Variants in TMTC2 observed in about 807,000 individuals in gnomAD.
TMTC2 encodes the protein transmembrane O-mannosyltransferase targeting cadherins 2, also known as protein O-mannosyl-transferase TMTC2.
A neutral mutation model predicts 82.4 loss-of-function variants in TMTC2; 43 were observed. The observed-to-expected ratio is 0.52, with a 90% CI of 0.41 to 0.67. The LOEUF is 0.67. TMTC2 is among the 30% of genes least tolerant of loss of function. The pLI, the probability that TMTC2 is intolerant of heterozygous loss-of-function variation, is 0.00. For synonymous variants in TMTC2, 408 were observed against 381.9 expected (o/e 1.07, Z -0.80); for missense variants, 919 against 1,012.4 (o/e 0.91, Z 1.25).
chr12:83,114,719 A>C (rs1884699697), intron 11 of TMTC2, among the ~76,000 whole-genome samples: 1 of 152,184 alleles, frequency 6.6e-6, no homozygotes, highest in Admixed American at 6.5e-5. Flanking sequence ...ACATAGGTTA[A>C]AAACATTCTT....
intron 11 of TMTC2, among the ~76,000 whole-genome samples, chr12:83,073,596 C>A (rs1883188665): frequency 2.0e-5 from 3 of 152,124 alleles, no homozygotes; most frequent in Admixed American, 1.3e-4. Flanking sequence ...GAATTGTCTT[C>A]TTCCTCAGGA....
chr12:83,097,890 A>G (rs965997443), intron 11 of TMTC2, among the ~76,000 whole-genome samples: 1 of 152,220 alleles, frequency 6.6e-6, no homozygotes, highest in Non-Finnish European at 1.5e-5. Context: ...TGGAAGTAGC[A>G]TATGAGAGAG....
intron 1 of TMTC2, among the ~76,000 whole-genome samples, chr12:82,819,497 CT>C (rs766912583): frequency 0.096 from 11,341 of 117,910 alleles, 433 homozygotes; most frequent in African/African-American, 0.25. Context: ...TTCTCTCTTT[CT>C]TTTTTTTTTT....
At chr12:82,869,253 A>G (rs1159915031) in intron 2 of TMTC2, among the ~76,000 whole-genome samples, 2 of 152,146 alleles carry the variant, frequency 1.3e-5, no homozygotes, top group African/African-American at 4.8e-5. Flanking sequence ...TAGAGATGAC[A>G]GCACAAAACT....
chr12:83,032,725 A>AT (rs1023976262), intron 9 of TMTC2, among the ~76,000 whole-genome samples: 34 of 149,888 alleles, frequency 2.3e-4, no homozygotes, highest in East Asian at 6.0e-4. Flanking sequence ...TTTATTTTTT[A>AT]TTTTTTTTTA....
chr12:83,013,894 G>A (rs1340151634), intron 8 of TMTC2, among the ~76,000 whole-genome samples: 1 of 152,158 alleles, frequency 6.6e-6, no homozygotes, highest in Non-Finnish European at 1.5e-5. Context: ...CTAGGGCGAG[G>A]TGGGCGATGT....
At chr12:82,942,442 T>G (rs183942281) in intron 4 of TMTC2, among the ~76,000 whole-genome samples, 1 of 152,226 alleles carries the variant, frequency 6.6e-6, no homozygotes, top group Non-Finnish European at 1.5e-5. Context: ...AAATTTGTCT[T>G]TTAGTTTTTC....
intron 4 of TMTC2, among the ~76,000 whole-genome samples, chr12:82,961,941 C>G (rs1259794588): frequency 6.6e-6 from 1 of 152,032 alleles, no homozygotes; most frequent in Non-Finnish European, 1.5e-5. Flanking sequence ...AGTCATCTAT[C>G]TTAGACTCAC....
chr12:82,783,780 G>T (rs930788863), intron 1 of TMTC2, among the ~76,000 whole-genome samples: 3 of 152,008 alleles, frequency 2.0e-5, no homozygotes, highest in East Asian at 1.9e-4. Flanking sequence ...TGCAGTAAAT[G>T]AAGTGAAGGA....
chr12:83,062,991 A>G (rs1882796389), intron 11 of TMTC2, among the ~76,000 whole-genome samples: 1 of 151,890 alleles, frequency 6.6e-6, no homozygotes, highest in Admixed American at 6.6e-5. Context: ...CCCTAAAACA[A>G]AAGAGAGATT....
intron 1 of TMTC2, among the ~76,000 whole-genome samples, chr12:82,836,108 A>G (rs905050425): frequency 2.6e-5 from 4 of 151,888 alleles, no homozygotes; most frequent in Admixed American, 2.0e-4. Context: ...CATACATAAA[A>G]TAGTTGAAAC....
At chr12:83,014,371 T>G (rs1880582975) in intron 8 of TMTC2, among the ~76,000 whole-genome samples, 1 of 152,092 alleles carries the variant, frequency 6.6e-6, no homozygotes. Flanking sequence ...GATGGAGTTT[T>G]GCTCTTGTTG....
intron 7 of TMTC2, among the ~76,000 whole-genome samples, chr12:82,985,460 G>C (rs1244703941): frequency 6.6e-6 from 1 of 152,084 alleles, no homozygotes; most frequent in South Asian, 2.1e-4. Flanking sequence ...TTCTCAAAAA[G>C]GTAAGTCATT....
chr12:82,822,325 A>G (rs975305531), intron 1 of TMTC2, among the ~76,000 whole-genome samples: 15 of 152,176 alleles, frequency 9.9e-5, no homozygotes, highest in African/African-American at 3.4e-4. Context: ...GTGTGACTTC[A>G]GGTTCATCAG....
chr12:82,764,136 A>G (rs942030964), intron 1 of TMTC2, among the ~76,000 whole-genome samples: 9 of 152,148 alleles, frequency 5.9e-5, no homozygotes, highest in Non-Finnish European at 1.3e-4. Context: ...ACATATACAC[A>G]CACATACACA....
Position 83,133,409 on chromosome 12 carries a change from A to G in TMTC2, c.*1020A>G, listed in dbSNP as rs1365557646. On this transcript the variant is annotated 3_prime_UTR_variant, in exon 12 of 12. Transcript: ENST00000321196. ...ATTTTGTGTTTTGGAAAGGGTAGGT[A>G]TCGAATGTTAATCACTTTCTAATGG... 6.6e-6 allele frequency: 1 copy of G among 152,210 alleles called. No homozygotes were observed. Among genetic ancestry groups the G allele is most frequent in the African/African-American group, 2.4e-5 (1 of 41,460 alleles). 9.4% of individuals were successfully genotyped at this position (152,210 alleles called of 1,614,324 possible).
At chr12:83,010,165 A>G (rs1796192) in intron 8 of TMTC2, among the ~76,000 whole-genome samples, 118,919 of 151,952 alleles carry the variant, frequency 0.78, 47,589 homozygotes, top group South Asian at 0.93. Flanking sequence ...TATTGTATAA[A>G]CATACTCTCT....
At chr12:83,064,322 A>T (rs549808049) in intron 11 of TMTC2, among the ~76,000 whole-genome samples, 1 of 151,992 alleles carries the variant, frequency 6.6e-6, no homozygotes, top group East Asian at 1.9e-4. Context: ...TCAGTATTTA[A>T]TCTCCAACTC....
At chr12:83,103,763 A>G (rs1884304535) in intron 11 of TMTC2, among the ~76,000 whole-genome samples, 1 of 152,198 alleles carries the variant, frequency 6.6e-6, no homozygotes, top group Non-Finnish European at 1.5e-5. Flanking sequence ...GTCTCCCAAA[A>G]TCTTAACTCA....
Sources: allele counts gnomAD v4.1 joint callset (sites outside exome capture counted in the v4.1 genomes callset), GRCh38; gene constraint gnomAD v4.1.1; transcripts MANE v1.5; gene names NCBI Gene and HGNC (gene_info 2026-07-23, HGNC 2026-07-21).